The following METTL15 variants were observed in gnomAD, a reference collection of about 807,000 sequenced individuals.
The protein encoded by METTL15 is methyltransferase 15, mitochondrial 12S rRNA N4-cytidine.
METTL15 carries 34 observed loss-of-function variants against 38.3 expected under a neutral mutation model. The observed-to-expected ratio is 0.89, with a 90% CI of 0.68 to 1.18. The LOEUF (loss-of-function observed/expected upper bound fraction) is 1.18. Among genes scored for constraint, METTL15 ranks in the 50% most tolerant of loss-of-function variants. The probability of loss-of-function intolerance (pLI) is 0.00; values close to 1 mark genes in which losing one functional copy is unlikely to be tolerated. For synonymous variants in METTL15, 162 were observed against 170.9 expected, an observed-to-expected ratio of 0.95 and a Z score of 0.41; for missense variants, 438 against 498.4, an observed-to-expected ratio of 0.88 and a Z score of 1.15.
At chr11:28,194,122 A>ATCTTTCTTTCTTTCTTTTTCTT (rs1851802321) in intron 3 of METTL15, among the ~76,000 whole-genome samples, 2 of 99,078 alleles carry the variant, frequency 2.0e-5, no homozygotes, top group Non-Finnish European at 4.0e-5. Context: ...TTGATGGTTG[A>ATCTTTCTTTCTTTCTTTTTCTT]TCTTTCTTTC....
intron 4 of METTL15, among the ~76,000 whole-genome samples, chr11:28,282,410 G>A (rs1382917042): frequency 6.6e-6 from 1 of 152,116 alleles, no homozygotes; most frequent in African/African-American, 2.4e-5. Flanking sequence ...AAAAAGTACA[G>A]TTTCTCCTTC....
chr11:28,245,875 A>G (rs1854489061), intron 4 of METTL15, among the ~76,000 whole-genome samples: 1 of 152,072 alleles, frequency 6.6e-6, no homozygotes, highest in Non-Finnish European at 1.5e-5. Context: ...ACTCACTATC[A>G]TGAGAACAGT....
chr11:28,311,864 C>T (rs956670639), intron 6 of METTL15, among the ~76,000 whole-genome samples: 1 of 152,198 alleles, frequency 6.6e-6, no homozygotes, highest in African/African-American at 2.4e-5. Context: ...TTAATGGATT[C>T]ATCAGAAAAG....
At chr11:28,380,351 A>G (rs956555479) in intron 5 of METTL15, among the ~76,000 whole-genome samples, 2 of 151,770 alleles carry the variant, frequency 1.3e-5, no homozygotes, top group African/African-American at 2.4e-5. Context: ...CGTATTTTTA[A>G]TAGAGATGAG....
chr11:28,185,146 T>C (rs943140243), intron 3 of METTL15, among the ~76,000 whole-genome samples: 13 of 151,558 alleles, frequency 8.6e-5, no homozygotes, highest in Admixed American at 2.6e-4. Context: ...ATATATAAAC[T>C]CTGTAGAACC....
chr11:28,134,185 C>T (rs1412545872), intron 3 of METTL15, among the ~76,000 whole-genome samples: 2 of 152,028 alleles, frequency 1.3e-5, no homozygotes, highest in African/African-American at 2.4e-5. Flanking sequence ...GAAATAGCCA[C>T]GTGGACATTG....
intron 3 of METTL15, among the ~76,000 whole-genome samples, chr11:28,114,915 G>A (rs1256723718): frequency 6.6e-6 from 1 of 152,186 alleles, no homozygotes; most frequent in Non-Finnish European, 1.5e-5. Flanking sequence ...CATTACACTG[G>A]CTGAGTGGTT....
intron 3 of METTL15, among the ~76,000 whole-genome samples, chr11:28,196,452 T>G (rs1156380831): frequency 2.6e-5 from 4 of 151,472 alleles, no homozygotes; most frequent in Admixed American, 2.6e-4. Flanking sequence ...TTTGTTTTCG[T>G]TTTTTTTGCA....
intron 4 of METTL15, chr11:28,261,406 A>T (rs1296900132): frequency 1.3e-5 from 2 of 155,124 alleles, no homozygotes; most frequent in East Asian, 3.9e-4. Context: ...TAGGTGGGAC[A>T]CACATGGAGC....
chr11:28,397,360 T>C (rs903182162), intron 5 of METTL15, among the ~76,000 whole-genome samples: 4 of 151,950 alleles, frequency 2.6e-5, no homozygotes, highest in Non-Finnish European at 4.4e-5. Flanking sequence ...AGGGCTAATA[T>C]CCAGAATCTA....
intron 6 of METTL15, among the ~76,000 whole-genome samples, chr11:28,431,955 A>C (rs1468428586): frequency 6.6e-6 from 1 of 152,190 alleles, no homozygotes; most frequent in East Asian, 1.9e-4. Flanking sequence ...CAGGGTGCCC[A>C]TCATAGGATT....
At chr11:28,473,631 C>G (rs1418085860) in intron 6 of METTL15, among the ~76,000 whole-genome samples, 1 of 152,090 alleles carries the variant, frequency 6.6e-6, no homozygotes, top group African/African-American at 2.4e-5. Flanking sequence ...ATTTTTGGAG[C>G]AGCAACTATG....
At chr11:28,227,237 A>C (rs1853518048) in intron 4 of METTL15, among the ~76,000 whole-genome samples, 1 of 151,874 alleles carries the variant, frequency 6.6e-6, no homozygotes, top group African/African-American at 2.4e-5. Flanking sequence ...TTCCAGAGGG[A>C]TTAAGACCTA....
chr11:28,515,324 AACTT>A (rs1162545311), intron 6 of METTL15, among the ~76,000 whole-genome samples: 3 of 152,222 alleles, frequency 2.0e-5, no homozygotes, highest in Non-Finnish European at 2.9e-5. Context: ...AGGCAAAGCT[AACTT>A]ACTTAACAAA....
At chr11:28,336,047 T>G (rs1190261777), downstream of METTL15, among the ~76,000 whole-genome samples, 1 of 152,182 alleles carries the variant, frequency 6.6e-6, no homozygotes, top group African/African-American at 2.4e-5. Flanking sequence ...ACGTTATGGT[T>G]AAAGATGTCT....
At chr11:28,200,434 A>T (rs192945831) in intron 3 of METTL15, among the ~76,000 whole-genome samples, 15 of 152,298 alleles carry the variant, frequency 9.8e-5, no homozygotes, top group Non-Finnish European at 1.5e-4. Context: ...TGCTTGTCAT[A>T]AAATAAGCTT....
chr11:28,452,975 T>A (rs988115768), intron 6 of METTL15, among the ~76,000 whole-genome samples: 2 of 152,182 alleles, frequency 1.3e-5, no homozygotes, highest in African/African-American at 4.8e-5. Flanking sequence ...TAAATCACAT[T>A]GTCATAGATT....
intron 5 of METTL15, among the ~76,000 whole-genome samples, chr11:28,294,549 C>A (rs1856657741): frequency 1.3e-5 from 2 of 152,242 alleles, no homozygotes; most frequent in South Asian, 4.1e-4. Context: ...TTCATAGCTT[C>A]AAGAATTTGA....
intron 4 of METTL15, among the ~76,000 whole-genome samples, chr11:28,257,553 C>T (rs898819899): frequency 6.6e-6 from 1 of 152,172 alleles, no homozygotes; most frequent in Non-Finnish European, 1.5e-5. Flanking sequence ...CTATTATCTA[C>T]ATCCTGTAGG....
Sources: allele counts gnomAD v4.1 joint callset (sites outside exome capture counted in the v4.1 genomes callset), GRCh38; gene constraint gnomAD v4.1.1; transcripts MANE v1.5; gene names NCBI Gene and HGNC (gene_info 2026-07-23, HGNC 2026-07-21).